The following SNTG1 variants were observed in gnomAD, a reference collection of about 807,000 sequenced individuals.
SNTG1 encodes the protein gamma-1-syntrophin.
Under a neutral mutation model 74.7 loss-of-function variants are expected in SNTG1, and 39 were observed. That is an observed-to-expected ratio of 0.52 (90% CI 0.40 to 0.68). The LOEUF is 0.68. Among genes scored for constraint, SNTG1 ranks in the 30% least tolerant of loss-of-function variants. The pLI, the probability that SNTG1 is intolerant of heterozygous loss-of-function variation, is 0.00. For synonymous variants in SNTG1, 254 were observed against 217.1 expected (o/e 1.17, Z -1.49); for missense variants, 685 against 609.5 (o/e 1.12, Z -1.30).
chr8:50,548,337 T>C (rs1157894729), intron 11 of SNTG1, among the ~76,000 whole-genome samples: 2 of 151,996 alleles, frequency 1.3e-5, no homozygotes, highest in Admixed American at 6.6e-5. Context: ...ACTAGGGTAA[T>C]TGGAAGGGCT....
intron 13 of SNTG1, among the ~76,000 whole-genome samples, chr8:50,617,645 C>T (rs1410839864): frequency 6.6e-6 from 1 of 152,146 alleles, no homozygotes; most frequent in Non-Finnish European, 1.5e-5. Context: ...CCGAGCTCCC[C>T]GAGTGAGCAA....
At chr8:50,638,922 A>C (rs1029306909) in intron 13 of SNTG1, among the ~76,000 whole-genome samples, 1 of 152,096 alleles carries the variant, frequency 6.6e-6, no homozygotes, top group African/African-American at 2.4e-5. Context: ...ACTAGACCCA[A>C]AGCTATCACT....
At chr8:50,470,546 C>G (rs1420752872) in intron 8 of SNTG1, among the ~76,000 whole-genome samples, 1 of 151,832 alleles carries the variant, frequency 6.6e-6, no homozygotes, top group Non-Finnish European at 1.5e-5. Flanking sequence ...AAAGGTGGCG[C>G]GTCCAGAGTT....
chr8:50,000,356 G>A (rs555741102), intron 1 of SNTG1, among the ~76,000 whole-genome samples: 6 of 151,998 alleles, frequency 3.9e-5, no homozygotes, highest in South Asian at 2.1e-4. Flanking sequence ...CTATTCCTCC[G>A]AGTTTTAAAA....
intron 13 of SNTG1, among the ~76,000 whole-genome samples, chr8:50,645,814 A>G (rs905137047): frequency 6.6e-6 from 1 of 151,964 alleles, no homozygotes; most frequent in Non-Finnish European, 1.5e-5. Context: ...AATCAAATAT[A>G]TAGTACTTAG....
At chr8:50,461,411 C>G (rs925840596) in intron 8 of SNTG1, among the ~76,000 whole-genome samples, 3 of 152,106 alleles carry the variant, frequency 2.0e-5, no homozygotes, top group Admixed American at 1.3e-4. Flanking sequence ...AAGTATGTCA[C>G]TATACCCAAT....
At chr8:50,355,576 C>G (rs1014983900) in intron 2 of SNTG1, among the ~76,000 whole-genome samples, 5 of 152,090 alleles carry the variant, frequency 3.3e-5, no homozygotes, top group African/African-American at 1.2e-4. Flanking sequence ...TATTTTTGTT[C>G]TGCCTTAACA....
At chr8:50,077,710 T>C (rs1435925036) in intron 1 of SNTG1, among the ~76,000 whole-genome samples, 2 of 152,206 alleles carry the variant, frequency 1.3e-5, no homozygotes, top group Non-Finnish European at 2.9e-5. Flanking sequence ...CCTAAAGTGC[T>C]TGCTTGTACC....
chr8:50,268,491 A>G (rs1303604792), intron 2 of SNTG1, among the ~76,000 whole-genome samples: 1 of 152,114 alleles, frequency 6.6e-6, no homozygotes, highest in Non-Finnish European at 1.5e-5. Context: ...TGAACAAAAA[A>G]AGAGAATAAA....
intron 1 of SNTG1, among the ~76,000 whole-genome samples, chr8:50,150,001 C>G (rs912244969): frequency 6.6e-6 from 1 of 152,048 alleles, no homozygotes; most frequent in African/African-American, 2.4e-5. Context: ...GCCATTTTCA[C>G]GATATTGATT....
chr8:50,616,902 A>T (rs1042088246), intron 13 of SNTG1, among the ~76,000 whole-genome samples: 6 of 152,200 alleles, frequency 3.9e-5, no homozygotes, highest in African/African-American at 1.4e-4. Context: ...AGCTGTAGTG[A>T]TCTACTTGCT....
At chr8:50,604,156 T>A (rs2094795102) in intron 13 of SNTG1, among the ~76,000 whole-genome samples, 1 of 152,184 alleles carries the variant, frequency 6.6e-6, no homozygotes, top group Non-Finnish European at 1.5e-5. Context: ...CAGAGGCTCA[T>A]GCCTGTAATC....
intron 2 of SNTG1, among the ~76,000 whole-genome samples, chr8:50,376,129 G>A (rs1403630629): frequency 1.3e-5 from 2 of 152,140 alleles, no homozygotes; most frequent in African/African-American, 4.8e-5. Flanking sequence ...GGCAAATAGA[G>A]GGAGAAAAAA....
At chr8:50,780,665 C>A (rs1269063769) in intron 18 of SNTG1, among the ~76,000 whole-genome samples, 1 of 152,134 alleles carries the variant, frequency 6.6e-6, no homozygotes, top group Non-Finnish European at 1.5e-5. Context: ...CTCCTGGATT[C>A]TTTAATTTTT....
At chr8:50,483,340 G>A (rs1476811611) in intron 8 of SNTG1, among the ~76,000 whole-genome samples, 2 of 151,802 alleles carry the variant, frequency 1.3e-5, no homozygotes, top group Non-Finnish European at 2.9e-5. Flanking sequence ...AACATATAAG[G>A]CAGACAATTT....
At chr8:50,559,677 T>A (rs529470657) in intron 12 of SNTG1, among the ~76,000 whole-genome samples, 1 of 152,198 alleles carries the variant, frequency 6.6e-6, no homozygotes, top group East Asian at 1.9e-4. Flanking sequence ...TAACCATTTC[T>A]GGAAATTGAA....
chr8:50,570,179 C>T (rs1223424315), intron 12 of SNTG1, among the ~76,000 whole-genome samples: 4 of 147,142 alleles, frequency 2.7e-5, no homozygotes, highest in South Asian at 2.2e-4. Context: ...TCCTCTCCTT[C>T]GGATATATAC....
intron 12 of SNTG1, among the ~76,000 whole-genome samples, chr8:50,574,319 T>C (rs1233433624): frequency 6.6e-6 from 1 of 152,130 alleles, no homozygotes; most frequent in Non-Finnish European, 1.5e-5. Context: ...TCTGAAAGAG[T>C]ACATCTATAT....
intron 2 of SNTG1, among the ~76,000 whole-genome samples, chr8:50,301,554 T>G (rs1010239385): frequency 2.0e-5 from 3 of 152,180 alleles, no homozygotes; most frequent in Non-Finnish European, 4.4e-5. Flanking sequence ...CTTTGTCTAG[T>G]AAGTTCAACA....
Sources: allele counts gnomAD v4.1 joint callset (sites outside exome capture counted in the v4.1 genomes callset), GRCh38; gene constraint gnomAD v4.1.1; transcripts MANE v1.5; gene names NCBI Gene and HGNC (gene_info 2026-07-23, HGNC 2026-07-21).